ETV6: variants seen among roughly 807,000 people sequenced by gnomAD.
ETV6 encodes the protein ETS variant transcription factor 6.
In ETV6, 16 loss-of-function variants were observed where a neutral mutation model predicts 51.1. That is an observed-to-expected ratio of 0.31 (90% confidence interval 0.21 to 0.48). The LOEUF (loss-of-function observed/expected upper bound fraction) is 0.48, where lower values mean the gene tolerates loss of function less well. Among genes scored for constraint, ETV6 ranks in the 20% least tolerant of loss-of-function variants. ETV6 has a pLI of 0.99. For missense variants in ETV6, 458 were observed against 594.8 expected, an observed-to-expected ratio of 0.77 and a Z score of 2.39; for synonymous variants, 240 against 224.1, an observed-to-expected ratio of 1.07 and a Z score of -0.64.
chr12:11,767,797 A>T (rs1332034746), intron 2 of ETV6, among the ~76,000 whole-genome samples: 1 of 152,240 alleles, frequency 6.6e-6, no homozygotes, highest in Non-Finnish European at 1.5e-5. Context: ...CTGATGAAGA[A>T]GATTGCATGA....
chr12:11,720,611 A>C (rs1343265523), intron 1 of ETV6, among the ~76,000 whole-genome samples: 2 of 152,240 alleles, frequency 1.3e-5, no homozygotes, highest in East Asian at 3.8e-4. Flanking sequence ...TAAGACCTCA[A>C]ACTGTAAAAA....
chr12:11,764,005 C>T (rs1163661906), intron 2 of ETV6, among the ~76,000 whole-genome samples: 1 of 152,180 alleles, frequency 6.6e-6, no homozygotes, highest in African/African-American at 2.4e-5. Flanking sequence ...ATAAATATCT[C>T]CCACGATGAA....
intron 3 of ETV6, among the ~76,000 whole-genome samples, chr12:11,844,329 G>A (rs897308613): frequency 6.6e-6 from 1 of 152,144 alleles, no homozygotes; most frequent in Non-Finnish European, 1.5e-5. Context: ...CAGCAAAACT[G>A]TATTGGGGAT....
intron 1 of ETV6, among the ~76,000 whole-genome samples, chr12:11,730,004 T>A (rs1465307483): frequency 6.6e-6 from 1 of 152,158 alleles, no homozygotes; most frequent in Non-Finnish European, 1.5e-5. Context: ...CATGACCATC[T>A]ATGCGTTACT....
chr12:11,742,857 A>T (rs1865836604), intron 1 of ETV6, among the ~76,000 whole-genome samples: 1 of 131,054 alleles, frequency 7.6e-6, no homozygotes, highest in African/African-American at 2.9e-5. Context: ...CCCTGGCTGG[A>T]GTGCAGTAGC....
intron 7 of ETV6, among the ~76,000 whole-genome samples, chr12:11,886,999 G>A (rs1947199399): frequency 6.6e-6 from 1 of 152,176 alleles, no homozygotes; most frequent in Non-Finnish European, 1.5e-5. Context: ...GAACAGATGA[G>A]CTCACTGATA....
chr12:11,718,027 G>A (rs901377476), intron 1 of ETV6, among the ~76,000 whole-genome samples: 3 of 152,076 alleles, frequency 2.0e-5, no homozygotes, highest in African/African-American at 4.8e-5. Flanking sequence ...AACCTTCTTC[G>A]AAACATGGGG....
At position 11,824,607 on chromosome 12, in the gene ETV6, C is replaced by T. The variant is rs574134726; in HGVS notation, c.164-14533C>T. On this transcript the variant is annotated intron_variant, in intron 2 of 7. Coordinates refer to ENST00000396373, the MANE Select transcript of ETV6 (RefSeq NM_001987.5). ...CAGCCTGGCCAACATGGTGAAACCC[C>T]GTCTCTACTAAAAAGACAAAAATTA... Among the ~76,000 whole-genome samples, 34 of 152,180 alleles carry T rather than the reference C, an allele frequency of 2.2e-4. No individual in the cohort carries two copies. The East Asian group carries it at 5.2e-3, about 23-fold the overall frequency.
chr12:11,742,801 CTTTCTTT>C (rs1865833723), intron 1 of ETV6, among the ~76,000 whole-genome samples: 1 of 63,044 alleles, frequency 1.6e-5, no homozygotes, highest in Non-Finnish European at 4.5e-5. Flanking sequence ...TCTTTTCTTT[CTTTCTTT>C]TTTTTTTTTT....
intron 2 of ETV6, among the ~76,000 whole-genome samples, chr12:11,762,204 G>C (rs1456404220): frequency 6.6e-6 from 1 of 152,198 alleles, no homozygotes; most frequent in Non-Finnish European, 1.5e-5. Flanking sequence ...CTGGTTCCCA[G>C]GACCTTACAG....
chr12:11,665,358 A>G (rs899902988), intron 1 of ETV6, among the ~76,000 whole-genome samples: 7 of 152,278 alleles, frequency 4.6e-5, no homozygotes, highest in Admixed American at 1.3e-4. Context: ...CTGGCAGCCA[A>G]TTTGTCATTG....
intron 2 of ETV6, among the ~76,000 whole-genome samples, chr12:11,813,990 T>C (rs1291177072): frequency 6.6e-6 from 1 of 152,242 alleles, no homozygotes; most frequent in African/African-American, 2.4e-5. Flanking sequence ...AGAAATGATT[T>C]AGGCTCTTTT....
chr12:11,766,263 G>A (rs1945159716), intron 2 of ETV6, among the ~76,000 whole-genome samples: 1 of 152,232 alleles, frequency 6.6e-6, no homozygotes, highest in Non-Finnish European at 1.5e-5. Flanking sequence ...CCTTTTTGGG[G>A]AAGTTGAAGC....
chr12:11,831,773 T>G (rs957727641), intron 2 of ETV6, among the ~76,000 whole-genome samples: 1 of 152,254 alleles, frequency 6.6e-6, no homozygotes, highest in East Asian at 1.9e-4. Flanking sequence ...ATCATAGATA[T>G]TGTCAGTAAC....
At chr12:11,888,785 C>G (rs1480270683) in intron 7 of ETV6, among the ~76,000 whole-genome samples, 1 of 152,136 alleles carries the variant, frequency 6.6e-6, no homozygotes, top group East Asian at 1.9e-4. Context: ...TCACTGAAGC[C>G]TCAAACTCTG....
chr12:11,789,720 T>A (rs1945552155), intron 2 of ETV6, among the ~76,000 whole-genome samples: 2 of 152,214 alleles, frequency 1.3e-5, no homozygotes, highest in African/African-American at 2.4e-5. Context: ...CATGGGGTAA[T>A]TTTCCCCCAG....
chr12:11,769,767 G>A (rs746837774), intron 2 of ETV6, among the ~76,000 whole-genome samples: 4 of 152,206 alleles, frequency 2.6e-5, no homozygotes, highest in East Asian at 1.9e-4. Context: ...GAGGAAGTGC[G>A]GGAAGGTGGA....
intron 1 of ETV6, among the ~76,000 whole-genome samples, chr12:11,743,275 A>G (rs1865844840): frequency 6.6e-6 from 1 of 152,248 alleles, no homozygotes; most frequent in African/African-American, 2.4e-5. Context: ...AACATTTTCC[A>G]GAGATATAAA....
At chr12:11,861,537 C>T (rs1283372385) in intron 4 of ETV6, among the ~76,000 whole-genome samples, 1 of 152,200 alleles carries the variant, frequency 6.6e-6, no homozygotes, top group East Asian at 1.9e-4. Flanking sequence ...GCACCAGGGT[C>T]CTCCAACTGG....
Sources: allele counts gnomAD v4.1 joint callset (sites outside exome capture counted in the v4.1 genomes callset), GRCh38; gene constraint gnomAD v4.1.1; transcripts MANE v1.5; gene names NCBI Gene and HGNC (gene_info 2026-07-23, HGNC 2026-07-21).